The following SOX5 variants were observed in gnomAD, a reference collection of about 807,000 sequenced individuals.
SOX5 encodes transcription factor SOX-5.
In SOX5, 9 loss-of-function variants were observed where a neutral mutation model predicts 92.0. The ratio of observed to expected loss-of-function variants is 0.10; its 90% confidence interval spans 0.06 to 0.17. The LOEUF is 0.17. Among genes scored for constraint, SOX5 ranks in the 10% least tolerant of loss-of-function variants. The pLI is 1.00. For synonymous variants in SOX5, 344 were observed against 336.3 expected (o/e 1.02, Z -0.25); for missense variants, 642 against 944.5 (o/e 0.68, Z 4.20).
chr12:24,043,079 T>C (rs1956667455), intron 4 of SOX5, among the ~76,000 whole-genome samples: 1 of 152,170 alleles, frequency 6.6e-6, no homozygotes, highest in African/African-American at 2.4e-5. Flanking sequence ...TGAGCCAATT[T>C]TGAGGTTCAT....
intron 1 of SOX5, among the ~76,000 whole-genome samples, chr12:24,475,714 G>A (rs1181861638): frequency 1.3e-5 from 2 of 152,178 alleles, no homozygotes; most frequent in African/African-American, 4.8e-5. Context: ...AGGTGCAGTG[G>A]CTCACACCTG....
At chr12:24,472,651 G>A (rs1040020065) in intron 1 of SOX5, among the ~76,000 whole-genome samples, 4 of 152,166 alleles carry the variant, frequency 2.6e-5, no homozygotes, top group Admixed American at 1.3e-4. Flanking sequence ...ACAGCTAACT[G>A]TGTGCATGCT....
chr12:24,113,512 T>TA, intron 4 of SOX5, among the ~76,000 whole-genome samples: 1 of 152,284 alleles, frequency 6.6e-6, no homozygotes, highest in East Asian at 1.9e-4. Flanking sequence ...ATAAACAATA[T>TA]AAAACCTTAA....
intron 3 of SOX5, among the ~76,000 whole-genome samples, chr12:23,796,898 T>C (rs1455434849): frequency 8.2e-6 from 1 of 121,772 alleles, no homozygotes; most frequent in East Asian, 3.4e-4. Flanking sequence ...TAAATATTTA[T>C]ATATATATTT....
chr12:23,962,626 G>A (rs1237667167), intron 4 of SOX5, among the ~76,000 whole-genome samples: 3 of 152,130 alleles, frequency 2.0e-5, no homozygotes, highest in Non-Finnish European at 2.9e-5. Flanking sequence ...CAATAATCCT[G>A]TCAAATACAA....
chr12:24,072,563 G>C (rs539925733), intron 4 of SOX5, among the ~76,000 whole-genome samples: 5 of 152,166 alleles, frequency 3.3e-5, no homozygotes, highest in Non-Finnish European at 7.3e-5. Flanking sequence ...AGTGTGTCCT[G>C]GGGGATGACG....
intron 11 of SOX5, among the ~76,000 whole-genome samples, chr12:23,562,587 C>A (rs7966210): frequency 0.91 from 139,067 of 152,206 alleles, 64,890 homozygotes; most frequent in East Asian, 1. Flanking sequence ...ACTATTCCAA[C>A]AGTACATAAT....
chr12:24,138,869 T>C (rs952595469), intron 4 of SOX5, among the ~76,000 whole-genome samples: 9 of 152,190 alleles, frequency 5.9e-5, no homozygotes, highest in African/African-American at 2.2e-4. Flanking sequence ...GTTCAGGCTA[T>C]TGCAACTGTG....
intron 4 of SOX5, among the ~76,000 whole-genome samples, chr12:24,019,473 C>G (rs1240409490): frequency 6.6e-6 from 1 of 152,210 alleles, no homozygotes; most frequent in African/African-American, 2.4e-5. Context: ...TAGGGATCCA[C>G]TGGCCCATCT....
At chr12:24,525,740 C>A (rs1040823792) in intron 1 of SOX5, among the ~76,000 whole-genome samples, 5 of 151,856 alleles carry the variant, frequency 3.3e-5, no homozygotes. Flanking sequence ...GGCTTGGTGG[C>A]GGGCGCCTGT....
At chr12:23,613,791 A>G (rs535996039) in intron 8 of SOX5, among the ~76,000 whole-genome samples, 101 of 152,348 alleles carry the variant, frequency 6.6e-4, no homozygotes, top group African/African-American at 2.3e-3. Flanking sequence ...GTATGATTCC[A>G]TTTATATGAA....
At chr12:23,993,673 A>C (rs1384790290) in intron 4 of SOX5, among the ~76,000 whole-genome samples, 1 of 152,194 alleles carries the variant, frequency 6.6e-6, no homozygotes. Flanking sequence ...ACATTATTTT[A>C]AGATATTACA....
intron 4 of SOX5, among the ~76,000 whole-genome samples, chr12:24,016,998 A>G (rs1953706678): frequency 6.6e-6 from 1 of 152,222 alleles, no homozygotes; most frequent in Admixed American, 6.5e-5. Context: ...TCAATGTAAT[A>G]TAGTCGGTGG....
chr12:23,840,531 T>C (rs2096499240), intron 3 of SOX5, among the ~76,000 whole-genome samples: 1 of 152,044 alleles, frequency 6.6e-6, no homozygotes, highest in Admixed American at 6.6e-5. Context: ...CAACACAATG[T>C]TGAAGAAAAA....
At chr12:23,712,278 C>T (rs1038634854) in intron 6 of SOX5, among the ~76,000 whole-genome samples, 2 of 152,150 alleles carry the variant, frequency 1.3e-5, no homozygotes, top group Non-Finnish European at 2.9e-5. Flanking sequence ...TTCACATGGT[C>T]AGGAGTCTAG....
chr12:23,908,844 T>G (rs1279974196), intron 1 of SOX5, among the ~76,000 whole-genome samples: 1 of 152,148 alleles, frequency 6.6e-6, no homozygotes, highest in African/African-American at 2.4e-5. Context: ...TTTGCTTGGA[T>G]GAATATGAAT....
At chr12:23,836,664 T>C (rs1343364996) in intron 3 of SOX5, among the ~76,000 whole-genome samples, 2 of 151,896 alleles carry the variant, frequency 1.3e-5, no homozygotes, top group Non-Finnish European at 2.9e-5. Context: ...GGACTTTCTA[T>C]TGAAATCTGT....
Position 23,970,840 on chromosome 12 carries a change from A to ATTTTTTTTT in SOX5, c.-1-74817_-1-74816insAAAAAAAAA. On this transcript the variant is annotated intron_variant, in intron 4 of 4. Coordinates refer to the SOX5 transcript ENST00000446891. ...CACATGGGACTTTATATATATATAT[A>ATTTTTTTTT]ATTTTTTTTTTTTTTTAAGAAATGG... 4.1e-3 allele frequency among the ~76,000 whole-genome samples: 137 copies of ATTTTTTTTT among 33,474 alleles called. 14 individuals carry two copies. The highest frequency in any genetic ancestry group is 0.013 in the African/African-American group (131 of 9,762). 22.0% of individuals were successfully genotyped at this position (33,474 alleles called of 152,430 possible).
chr12:24,073,767 A>C (rs2137477463), intron 4 of SOX5, among the ~76,000 whole-genome samples: 1 of 152,348 alleles, frequency 6.6e-6, no homozygotes, highest in Non-Finnish European at 1.5e-5. Flanking sequence ...CTCTGATTAC[A>C]TATTTTTGAT....
Sources: allele counts gnomAD v4.1 joint callset (sites outside exome capture counted in the v4.1 genomes callset), GRCh38; gene constraint gnomAD v4.1.1; transcripts MANE v1.5; gene names NCBI Gene and HGNC (gene_info 2026-07-23, HGNC 2026-07-21).